Variants in GRIN2A observed in about 807,000 individuals in gnomAD.
GRIN2A encodes glutamate ionotropic receptor NMDA type subunit 2A.
A neutral mutation model predicts 113.4 loss-of-function variants in GRIN2A; 22 were observed. The ratio of observed to expected loss-of-function variants is 0.19; its 90% CI spans 0.14 to 0.28. The LOEUF (loss-of-function observed/expected upper bound fraction) is 0.28. GRIN2A is among the 10% of genes least tolerant of loss of function. The pLI is 1.00. For synonymous variants in GRIN2A, 827 were observed against 738.4 expected (o/e 1.12, Z -1.94); for missense variants, 1,502 against 1,887.0 (o/e 0.80, Z 3.78).
chr16:9,795,718 T>G (rs1567303249), intron 11 of GRIN2A, among the ~76,000 whole-genome samples: 2 of 152,190 alleles, frequency 1.3e-5, no homozygotes, highest in South Asian at 4.1e-4. Context: ...ACCAGCCTTA[T>G]TAGGTAATTA....
rs1483993406 is a variant in GRIN2A at position 9,822,419 on chromosome 16, C to G, written c.2013G>C (p.Gln671His). ...AAGGTGGGGAATAGTCATGAGGTCT[C>G]TGAAACTGGAGAGAGAACGAGAAAG... ...QVTGLSDKKF[Q>H]RPHDYSPPFR... The change falls in exon 10 of 13, where the codon CAG (glutamine) becomes CAC (histidine). Residue 671 changes from glutamine (Q) to histidine (H), a missense_variant. Gln to His is a conservative substitution (Grantham distance 24). Coordinates refer to ENST00000330684, the MANE Select transcript of GRIN2A (RefSeq NM_001134407.3). The G allele has an allele frequency of 1.9e-6, 3 of 1,606,138 alleles. No homozygotes were observed. In the African/African-American group the frequency reaches 4.0e-5, roughly 22 times the overall value.
intron 2 of GRIN2A, among the ~76,000 whole-genome samples, chr16:10,130,933 GGGGACTGA>G (rs2049048910): frequency 6.6e-6 from 1 of 152,210 alleles, no homozygotes; most frequent in African/African-American, 2.4e-5. Context: ...TGAGAAGTGT[GGGGACTGA>G]GGACTAAGAG....
chr16:9,840,813 C>T lies in GRIN2A; in HGVS notation c.1498-13G>A. On this transcript the variant is annotated splice_polypyrimidine_tract_variant and intron_variant, in intron 6 of 12. Transcript: ENST00000330684. ...GTTGATAGACCACCTGGATGCAAGG[C>T]AAAAAAAAAAAAAAAAAAAAGAGAG... The T allele has an allele frequency of 1.8e-6, 2 of 1,081,298 alleles. No homozygotes were observed. Among genetic ancestry groups the T allele is most frequent in the Non-Finnish European group, 2.5e-6 (2 of 816,182 alleles). 67.0% of individuals were successfully genotyped at this position (1,081,298 alleles called of 1,614,324 possible).
At chr16:9,979,443 C>T (rs577421414) in intron 2 of GRIN2A, among the ~76,000 whole-genome samples, 146 of 152,242 alleles carry the variant, frequency 9.6e-4, no homozygotes, top group African/African-American at 3.3e-3. Flanking sequence ...CTTTTTCCTC[C>T]GCTGTTCCCA....
intron 3 of GRIN2A, among the ~76,000 whole-genome samples, chr16:9,921,706 G>T (rs576406979): frequency 3.3e-5 from 5 of 152,288 alleles, no homozygotes; most frequent in African/African-American, 7.2e-5. Flanking sequence ...GTGCACAAAA[G>T]TAAAATGGAC....
intron 8 of GRIN2A, among the ~76,000 whole-genome samples, chr16:9,831,322 C>G (rs1428225454): frequency 6.6e-6 from 1 of 152,054 alleles, no homozygotes; most frequent in African/African-American, 2.4e-5. Flanking sequence ...TCTGTATTTT[C>G]GTTGTTCTTG....
At chr16:9,976,911 A>G (rs1472032462) in intron 2 of GRIN2A, among the ~76,000 whole-genome samples, 1 of 152,212 alleles carries the variant, frequency 6.6e-6, no homozygotes. Flanking sequence ...ACATGAGTGG[A>G]ATACAAAATA....
At chr16:9,829,319 T>G in intron 9 of GRIN2A, 104 bp downstream of exon 9, 1 of 738,862 alleles carries the variant, frequency 1.4e-6, no homozygotes. Context: ...CTTTTGTGCA[T>G]TCGAGTTGAT....
intron 2 of GRIN2A, among the ~76,000 whole-genome samples, chr16:10,137,077 C>T (rs2049209367): frequency 6.6e-6 from 1 of 152,136 alleles, no homozygotes. Flanking sequence ...TCCACAAATC[C>T]CTACCGTTGG....
intron 2 of GRIN2A, among the ~76,000 whole-genome samples, chr16:9,961,101 A>G (rs560671962): frequency 3.3e-5 from 5 of 152,220 alleles, no homozygotes; most frequent in Non-Finnish European, 7.3e-5. Context: ...TTTAGCACCC[A>G]AAAGACTATT....
chr16:9,820,352 G>A (rs2042259159), intron 10 of GRIN2A, among the ~76,000 whole-genome samples: 1 of 152,142 alleles, frequency 6.6e-6, no homozygotes, highest in South Asian at 2.1e-4. Flanking sequence ...CAAACCCATG[G>A]CTAAACTGTA....
chr16:9,968,288 GTA>G (rs1435932683), intron 2 of GRIN2A, among the ~76,000 whole-genome samples: 1 of 88,126 alleles, frequency 1.1e-5, no homozygotes, highest in African/African-American at 4.7e-5. Flanking sequence ...ATGTATGTAT[GTA>G]TGTATGTATG....
intron 4 of GRIN2A, among the ~76,000 whole-genome samples, chr16:9,873,762 C>A (rs2043310796): frequency 6.6e-6 from 1 of 152,206 alleles, no homozygotes; most frequent in Non-Finnish European, 1.5e-5. Context: ...ATGTCAGGAT[C>A]TGATACCCAA....
intron 2 of GRIN2A, among the ~76,000 whole-genome samples, chr16:10,024,486 G>A (rs2046783784): frequency 6.6e-6 from 1 of 152,200 alleles, no homozygotes; most frequent in Admixed American, 6.5e-5. Flanking sequence ...CCAAAGTGCT[G>A]GAATTACAGG....
intron 10 of GRIN2A, among the ~76,000 whole-genome samples, chr16:9,802,446 G>A (rs1903420244): frequency 6.6e-6 from 1 of 152,056 alleles, no homozygotes; most frequent in Non-Finnish European, 1.5e-5. Flanking sequence ...AACAAACTAT[G>A]AATTAAAATA....
chr16:9,769,135 A>C, intron 11 of GRIN2A, 46 bp from the exon 12 acceptor site: 1 of 1,417,962 alleles, frequency 7.1e-7, no homozygotes, highest in Non-Finnish European at 1.0e-6. Flanking sequence ...CAGAACATGC[A>C]CTTTGGGGCA....
At chr16:9,976,475 T>C (rs1022507674) in intron 2 of GRIN2A, among the ~76,000 whole-genome samples, 3 of 152,200 alleles carry the variant, frequency 2.0e-5, no homozygotes, top group Non-Finnish European at 2.9e-5. Flanking sequence ...CTCTGTTCTG[T>C]GAGTCTTTTA....
chr16:10,095,877 A>T (rs920157759), intron 2 of GRIN2A, among the ~76,000 whole-genome samples: 2 of 152,202 alleles, frequency 1.3e-5, no homozygotes, highest in Non-Finnish European at 2.9e-5. Context: ...CTACAAAAAA[A>T]AAGTGTGAAA....
At chr16:10,031,768 G>A (rs1036408436) in intron 2 of GRIN2A, among the ~76,000 whole-genome samples, 2 of 152,230 alleles carry the variant, frequency 1.3e-5, no homozygotes, top group Non-Finnish European at 2.9e-5. Context: ...TAGCAAAGAT[G>A]CAACACCCAA....
Sources: allele counts gnomAD v4.1 joint callset (sites outside exome capture counted in the v4.1 genomes callset), GRCh38; gene constraint gnomAD v4.1.1; transcripts MANE v1.5; gene names NCBI Gene and HGNC (gene_info 2026-07-23, HGNC 2026-07-21).